STK3: variants seen among roughly 807,000 people sequenced by gnomAD.
The protein encoded by STK3 is serine/threonine kinase 3, also known as serine/threonine-protein kinase 3.
In STK3, 41 loss-of-function variants were observed where a neutral mutation model predicts 58.0. The ratio of observed to expected loss-of-function variants is 0.71; its 90% CI spans 0.55 to 0.92. The LOEUF is 0.92. Ranked by LOEUF, STK3 falls within the 40% of genes least tolerant of loss-of-function variation. The pLI is 0.00. For missense variants in STK3, 479 were observed against 602.7 expected, an observed-to-expected ratio of 0.79 and a Z score of 2.15; for synonymous variants, 170 against 191.0, an observed-to-expected ratio of 0.89 and a Z score of 0.91.
chr8:98,428,879 G>A lies in STK3; in HGVS notation n.483+5248C>T. ...GGGTGGCCCAGGTCCTGAGGCTGATGCGGATCTTCCGCATCTTAAAGCTGG... is the reference window on the plus strand; with the variant it reads ...GGGTGGCCCAGGTCCTGAGGCTGATACGGATCTTCCGCATCTTAAAGCTGG... On this transcript the variant is annotated intron_variant and non_coding_transcript_variant, in intron 3 of 3. Transcript: ENST00000517832. The surrounding 1 kb of genome is among the most constrained non-coding windows in gnomAD (Gnocchi z 6.7). 1.9e-6 allele frequency: 3 copies of A among 1,614,210 alleles called. No homozygotes were observed. The highest frequency in any genetic ancestry group is 2.5e-6 in the Non-Finnish European group (3 of 1,180,048).
chr8:98,617,856 G>A (rs1169641458), intron 6 of STK3, among the ~76,000 whole-genome samples: 2 of 152,056 alleles, frequency 1.3e-5, no homozygotes, highest in Non-Finnish European at 2.9e-5. Flanking sequence ...AGGACCAGAT[G>A]GATTCACAGC....
intron 3 of STK3, among the ~76,000 whole-genome samples, chr8:98,425,903 T>C (rs1818227113): frequency 6.6e-6 from 1 of 152,182 alleles, no homozygotes; most frequent in African/African-American, 2.4e-5. Context: ...GCTAGCTCCC[T>C]GCTAAGCTCA....
At chr8:98,861,536 C>T (rs1265476447) in intron 3 of STK3, among the ~76,000 whole-genome samples, 6 of 151,358 alleles carry the variant, frequency 4.0e-5, no homozygotes, top group Non-Finnish European at 5.9e-5. Context: ...TTAGTAGAGA[C>T]GGGGTTTCAC....
At chr8:98,617,031 A>T (rs959322765) in intron 6 of STK3, among the ~76,000 whole-genome samples, 3 of 151,814 alleles carry the variant, frequency 2.0e-5, no homozygotes, top group African/African-American at 7.3e-5. Context: ...ACCACACCAC[A>T]CCTATTCCAA....
At chr8:98,750,321 G>A (rs1829891391) in intron 3 of STK3, among the ~76,000 whole-genome samples, 3 of 151,794 alleles carry the variant, frequency 2.0e-5, no homozygotes, top group Admixed American at 1.3e-4. Context: ...TACACAAATA[G>A]AAAGGGAAAA....
intron 6 of STK3, among the ~76,000 whole-genome samples, chr8:98,621,650 T>C (rs1027269408): frequency 2.0e-4 from 30 of 152,170 alleles, no homozygotes; most frequent in Non-Finnish European, 1.8e-4. Flanking sequence ...CTACATTATG[T>C]GACTTTTCTT....
At chr8:98,778,048 G>A (rs1831821627) in intron 1 of STK3, among the ~76,000 whole-genome samples, 1 of 152,150 alleles carries the variant, frequency 6.6e-6, no homozygotes, top group African/African-American at 2.4e-5. Flanking sequence ...TTAAACTAAA[G>A]AGCTTCTGCA....
intron 8 of STK3, among the ~76,000 whole-genome samples, chr8:98,562,695 C>A (rs1374899029): frequency 7.7e-6 from 1 of 129,116 alleles, no homozygotes; most frequent in Non-Finnish European, 1.5e-5. Flanking sequence ...AGTTCTAGAC[C>A]AGCCTGAGCA....
At chr8:98,903,840 T>TA (rs1838780320) in intron 1 of STK3, among the ~76,000 whole-genome samples, 2 of 152,176 alleles carry the variant, frequency 1.3e-5, no homozygotes, top group South Asian at 2.1e-4. Context: ...ATACGTTTTT[T>TA]ATCATCTGTC....
intron 10 of STK3, among the ~76,000 whole-genome samples, chr8:98,464,685 T>A (rs896837465): frequency 1.3e-5 from 2 of 152,112 alleles, no homozygotes; most frequent in South Asian, 4.1e-4. Context: ...CAAACTACTA[T>A]GAAGCCTGTT....
chr8:98,908,734 T>A (rs1839012746), intron 1 of STK3, among the ~76,000 whole-genome samples: 1 of 148,492 alleles, frequency 6.7e-6, no homozygotes, highest in Admixed American at 6.8e-5. Flanking sequence ...TCCCAGCTAC[T>A]CAGGAGGTTG....
chr8:98,573,230 G>A (rs1452253770), intron 8 of STK3, among the ~76,000 whole-genome samples: 1 of 152,190 alleles, frequency 6.6e-6, no homozygotes, highest in East Asian at 1.9e-4. Flanking sequence ...TTTAGAAACT[G>A]TTGTATTAGT....
At chr8:98,826,056 A>T (rs1003432376), upstream of STK3, among the ~76,000 whole-genome samples, 4 of 151,928 alleles carry the variant, frequency 2.6e-5, no homozygotes, top group Non-Finnish European at 4.4e-5. Flanking sequence ...GAAAAGGAGA[A>T]GGTTCCGCTA....
At chr8:98,941,338 C>T (rs1336460273) in intron 1 of STK3, among the ~76,000 whole-genome samples, 2 of 152,216 alleles carry the variant, frequency 1.3e-5, no homozygotes, top group Non-Finnish European at 2.9e-5. Flanking sequence ...CCAGGGTGCA[C>T]GCACCCTGAG....
At chr8:98,591,318 G>C (rs1400962864) in intron 7 of STK3, among the ~76,000 whole-genome samples, 1 of 152,156 alleles carries the variant, frequency 6.6e-6, no homozygotes. Context: ...ACATTCAATT[G>C]CGTCTACAAA....
intron 10 of STK3, among the ~76,000 whole-genome samples, chr8:98,497,949 A>G (rs1823271289): frequency 6.6e-6 from 1 of 152,182 alleles, no homozygotes; most frequent in Non-Finnish European, 1.5e-5. Flanking sequence ...CTCAAGAAAA[A>G]GGAAAACGAT....
chr8:98,839,781 T>C (rs1835893630), intron 3 of STK3, among the ~76,000 whole-genome samples: 1 of 152,152 alleles, frequency 6.6e-6, no homozygotes, highest in East Asian at 1.9e-4. Context: ...AAAATTTCCT[T>C]TGAAACAAAG....
chr8:98,726,343 A>G (rs1055387793), intron 4 of STK3, among the ~76,000 whole-genome samples: 9 of 152,200 alleles, frequency 5.9e-5, no homozygotes, highest in African/African-American at 1.7e-4. Context: ...GAAAAATCAT[A>G]AAGTGTTTAT....
chr8:98,562,267 GATGGCCTTCAATAAGTTA>G (rs1314553979), intron 8 of STK3, among the ~76,000 whole-genome samples: 1 of 152,056 alleles, frequency 6.6e-6, no homozygotes, highest in African/African-American at 2.4e-5. Context: ...AACTATTGAA[GATGGCCTTCAATAAGTTA>G]ATGGATAAAT....
Sources: allele counts gnomAD v4.1 joint callset (sites outside exome capture counted in the v4.1 genomes callset), GRCh38; gene constraint gnomAD v4.1.1; non-coding constraint Gnocchi (gnomAD v3.1); transcripts MANE v1.5; gene names NCBI Gene and HGNC (gene_info 2026-07-23, HGNC 2026-07-21).